MEF2C: variants seen among roughly 807,000 people sequenced by gnomAD.
The protein encoded by MEF2C is myocyte enhancer factor 2C.
MEF2C carries 6 observed loss-of-function variants against 50.5 expected under a neutral mutation model. The observed-to-expected ratio is 0.12, with a 90% confidence interval of 0.07 to 0.23. MEF2C has a LOEUF of 0.23. Among genes scored for constraint, MEF2C ranks in the 10% least tolerant of loss-of-function variants. The pLI, the probability that MEF2C is intolerant of heterozygous loss-of-function variation, is 1.00. For missense variants in MEF2C, 276 were observed against 605.0 expected (o/e 0.46, Z 5.70); for synonymous variants, 183 against 228.0 (o/e 0.80, Z 1.78).
chr5:88,872,118 C>A (rs773353821), intron 1 of MEF2C, among the ~76,000 whole-genome samples: 1 of 151,558 alleles, frequency 6.6e-6, no homozygotes, highest in African/African-American at 2.4e-5. Context: ...TCAAAGTTGT[C>A]TAATAAGAAA....
At chr5:88,865,953 T>C (rs919154500) in intron 1 of MEF2C, among the ~76,000 whole-genome samples, 2 of 151,950 alleles carry the variant, frequency 1.3e-5, no homozygotes, top group African/African-American at 4.8e-5. Context: ...TGGAGTGCAG[T>C]GACTCTATCT....
At position 88,799,870 on chromosome 5, in the gene MEF2C, TCACACACA is replaced by T. The variant is rs60340884; in HGVS notation, c.258+4720_258+4727del. Among the ~76,000 whole-genome samples, 349 of 107,514 alleles carry T rather than the reference TCACACACA, an allele frequency of 3.2e-3. 2 individuals are homozygous for T. Among genetic ancestry groups the T allele is most frequent in the Admixed American group, 6.4e-3 (67 of 10,418 alleles). 70.5% of individuals were successfully genotyped at this position (107,514 alleles called of 152,430 possible). A position where few individuals can be genotyped will look rare whatever the true frequency, so the allele number is the denominator to read the frequency against. ...TTCCTTCTCTCTCTCTCTCTCTCTC[TCACACACA>T]CACACACACACACACACACACACAC... On this transcript the variant is annotated intron_variant, in intron 3 of 10. Transcript: ENST00000504921.
intron 1 of MEF2C, chr5:88,843,517 T>G: frequency 1.0e-6 from 1 of 975,992 alleles, no homozygotes; most frequent in Non-Finnish European, 1.2e-6. Flanking sequence ...TTCATGTGTC[T>G]GAAATTCAAG....
At chr5:88,892,996 T>C (rs758501645) in intron 1 of MEF2C, among the ~76,000 whole-genome samples, 1 of 152,180 alleles carries the variant, frequency 6.6e-6, no homozygotes. Context: ...GTTAGACATA[T>C]GATCAACACT....
intron 3 of MEF2C, chr5:88,775,619 C>G (rs1784397837): frequency 5.9e-6 from 1 of 169,318 alleles, no homozygotes; most frequent in Non-Finnish European, 1.2e-5. Context: ...AAATTCATCT[C>G]AATTTATTTT....
intron 2 of MEF2C, chr5:88,817,885 T>C (rs1425320365): frequency 6.6e-6 from 1 of 152,010 alleles, no homozygotes; most frequent in Admixed American, 6.6e-5. Flanking sequence ...TAAGCATGCC[T>C]AATTTTTATA....
chr5:88,745,842 T>G (rs1769244115), intron 6 of MEF2C, among the ~76,000 whole-genome samples: 1 of 152,160 alleles, frequency 6.6e-6, no homozygotes, highest in South Asian at 2.1e-4. Flanking sequence ...ACACACAGTA[T>G]GGGACCTGAC....
At chr5:88,804,402 C>G (rs917140018) in intron 3 of MEF2C, 196 bp downstream of exon 3, 1 of 563,588 alleles carries the variant, frequency 1.8e-6, no homozygotes, top group Non-Finnish European at 3.2e-6. Flanking sequence ...TGGTCTCTAT[C>G]ATCACATCAC....
At chr5:88,730,271 C>A in intron 7 of MEF2C, 37 bp from the exon 8 acceptor site, 6 of 1,558,150 alleles carry the variant, frequency 3.9e-6, no homozygotes, top group Non-Finnish European at 5.2e-6. Context: ...TAATTAGTGT[C>A]CGTAAATATT....
chr5:88,899,638 T>C (rs1007407865), intron 1 of MEF2C, among the ~76,000 whole-genome samples: 3 of 152,122 alleles, frequency 2.0e-5, no homozygotes. Flanking sequence ...CAAAAGCAGA[T>C]ACCGGACAAG....
chr5:88,800,226 T>C (rs1264214332), intron 3 of MEF2C, among the ~76,000 whole-genome samples: 1 of 152,168 alleles, frequency 6.6e-6, no homozygotes, highest in East Asian at 1.9e-4. Context: ...AGGTAACCTG[T>C]CTGGGAGTCC....
intron 1 of MEF2C, among the ~76,000 whole-genome samples, chr5:88,897,016 T>C (rs1403842176): frequency 6.6e-6 from 1 of 152,096 alleles, no homozygotes; most frequent in Non-Finnish European, 1.5e-5. Flanking sequence ...AAAATTACAT[T>C]TTCTGTTTCA....
intron 2 of MEF2C, among the ~76,000 whole-genome samples, chr5:88,811,221 A>G (rs1336483537): frequency 6.6e-6 from 1 of 152,160 alleles, no homozygotes; most frequent in East Asian, 1.9e-4. Context: ...AAGAATCTGG[A>G]ATGTATAACT....
At chr5:88,828,141 A>T (rs1048689139) in intron 1 of MEF2C, among the ~76,000 whole-genome samples, 30 of 151,984 alleles carry the variant, frequency 2.0e-4, no homozygotes, top group Non-Finnish European at 1.2e-4. Context: ...TATCTGAGTC[A>T]TCATCAGATT....
At chr5:88,816,177 T>C (rs572234394) in intron 2 of MEF2C, among the ~76,000 whole-genome samples, 4 of 152,092 alleles carry the variant, frequency 2.6e-5, no homozygotes, top group Non-Finnish European at 4.4e-5. Context: ...CTTATGAAAA[T>C]GTTGGCCTCT....
At chr5:88,778,749 C>G (rs1480783686) in intron 3 of MEF2C, among the ~76,000 whole-genome samples, 8 of 152,116 alleles carry the variant, frequency 5.3e-5, no homozygotes, top group Admixed American at 4.6e-4. Flanking sequence ...TCAACAGTTA[C>G]AAGGAAGACA....
intron 1 of MEF2C, among the ~76,000 whole-genome samples, chr5:88,861,655 G>C (rs1211060925): frequency 6.6e-6 from 1 of 152,080 alleles, no homozygotes; most frequent in Non-Finnish European, 1.5e-5. Context: ...CCCCTTTTCT[G>C]CAGAACCAGT....
intron 6 of MEF2C, chr5:88,743,880 A>G (rs781638611): frequency 1.3e-4 from 118 of 939,556 alleles, no homozygotes; most frequent in Middle Eastern, 5.5e-4. Flanking sequence ...TCTTTTTTAT[A>G]AAATTATATC....
At chr5:88,863,748 C>G (rs550454889) in intron 1 of MEF2C, among the ~76,000 whole-genome samples, 2 of 152,224 alleles carry the variant, frequency 1.3e-5, no homozygotes, top group Admixed American at 1.3e-4. Flanking sequence ...GTATTTGTCT[C>G]TCTGTGCCTG....
Sources: allele counts gnomAD v4.1 joint callset (sites outside exome capture counted in the v4.1 genomes callset), GRCh38; gene constraint gnomAD v4.1.1; transcripts MANE v1.5; gene names NCBI Gene and HGNC (gene_info 2026-07-23, HGNC 2026-07-21).